ACOT12: variants seen among roughly 807,000 people sequenced by gnomAD.
ACOT12 encodes acetyl-coenzyme A thioesterase.
A neutral mutation model predicts 67.7 loss-of-function variants in ACOT12; 51 were observed. The ratio of observed to expected loss-of-function variants is 0.75; its 90% CI spans 0.60 to 0.95. The LOEUF (loss-of-function observed/expected upper bound fraction) is 0.95, where lower values mean the gene tolerates loss of function less well. Ranked by LOEUF, ACOT12 falls within the 40% of genes least tolerant of loss-of-function variation. ACOT12 has a pLI of 0.00. For synonymous variants in ACOT12, 251 were observed against 244.6 expected (o/e 1.03, Z -0.24); for missense variants, 734 against 708.1 (o/e 1.04, Z -0.41).
intron 4 of ACOT12, among the ~76,000 whole-genome samples, chr5:81,362,796 G>C (rs1759959182): frequency 6.6e-6 from 1 of 152,252 alleles, no homozygotes; most frequent in Middle Eastern, 3.4e-3. Context: ...TAATTTAGTA[G>C]GTCCATGATA....
chr5:81,317,479 G>A, the ACOT12 span, among the ~76,000 whole-genome samples: 4 of 149,320 alleles, frequency 2.7e-5, no homozygotes, highest in Non-Finnish European at 4.4e-5. Context: ...ACCAGCCTGG[G>A]CAAGAAAGCG....
chr5:81,365,749 A>G (rs1760057994), intron 3 of ACOT12, among the ~76,000 whole-genome samples: 1 of 152,228 alleles, frequency 6.6e-6, no homozygotes, highest in Non-Finnish European at 1.5e-5. Context: ...GGCGGGAAAA[A>G]CAACGAGAGC....
chr5:81,309,188 A>C, the ACOT12 span: 1 of 547,330 alleles, frequency 1.8e-6, no homozygotes, highest in Non-Finnish European at 3.0e-6. Context: ...TATCATATGT[A>C]CTAGGCTTTT....
intron 5 of ACOT12, among the ~76,000 whole-genome samples, chr5:81,352,765 C>T (rs913086789): frequency 1.3e-5 from 2 of 152,102 alleles, no homozygotes; most frequent in African/African-American, 4.8e-5. Flanking sequence ...GTTTGTCACA[C>T]TTGAAGGAGT....
intron 2 of ACOT12, among the ~76,000 whole-genome samples, chr5:81,384,161 G>T (rs929245436): frequency 7.4e-6 from 1 of 134,966 alleles, no homozygotes; most frequent in Admixed American, 8.8e-5. Context: ...TGCTCTTGTC[G>T]CCCAGGCTGC....
the ACOT12 span, among the ~76,000 whole-genome samples, chr5:81,323,533 A>G: frequency 1.3e-5 from 2 of 152,252 alleles, no homozygotes; most frequent in Admixed American, 6.5e-5. Context: ...GATGTCTGCT[A>G]ACATTCCATT....
chr5:81,352,995 C>G (rs182856933), intron 5 of ACOT12, among the ~76,000 whole-genome samples: 28 of 152,204 alleles, frequency 1.8e-4, no homozygotes, highest in African/African-American at 6.3e-4. Context: ...TGTGCATGTA[C>G]TATCTCTTTA....
intron 4 of ACOT12, 151 bp downstream of exon 4, chr5:81,363,637 A>G (rs902496466): frequency 7.7e-6 from 4 of 518,284 alleles, no homozygotes; most frequent in Middle Eastern, 5.2e-4. Flanking sequence ...ACAGAGTGAT[A>G]ACTTTTGCAA....
chr5:81,333,645 G>A (rs1580527580), intron 12 of ACOT12, among the ~76,000 whole-genome samples: 1 of 152,206 alleles, frequency 6.6e-6, no homozygotes, highest in African/African-American at 2.4e-5. Context: ...TTTAGGCATT[G>A]TTATTCCTAA....
chr5:81,346,073 C>A, intron 6 of ACOT12, 69 bp from the exon 7 acceptor site: 1 of 1,582,778 alleles, frequency 6.3e-7, no homozygotes, highest in Non-Finnish European at 8.6e-7. Flanking sequence ...AATGCACAGA[C>A]AAGTCTTCAA....
intron 11 of ACOT12, among the ~76,000 whole-genome samples, chr5:81,336,340 C>T (rs915062116): frequency 2.0e-5 from 3 of 152,136 alleles, no homozygotes; most frequent in Non-Finnish European, 4.4e-5. Context: ...GGATGTCAGG[C>T]GTGTCTTTAA....
intron 11 of ACOT12, among the ~76,000 whole-genome samples, chr5:81,337,471 G>A (rs1759041796): frequency 1.3e-5 from 2 of 152,302 alleles, no homozygotes; most frequent in Middle Eastern, 3.4e-3. Context: ...TCTTGCAGAT[G>A]TAATTAGTCA....
At chr5:81,368,124 T>C (rs1036188801) in intron 3 of ACOT12, among the ~76,000 whole-genome samples, 4 of 152,054 alleles carry the variant, frequency 2.6e-5, no homozygotes, top group African/African-American at 9.7e-5. Context: ...AAATCCTTTC[T>C]CTACTAAAAA....
In ACOT12 at chr5:81,349,481, G is replaced by A. The variant is rs933840214; in HGVS notation, c.497-1551C>T. The stretch of plus-strand genomic sequence containing the variant: ...CATTTGTCACATCCCTGCTGTCTAC[G>A]GCAATCCCCCTGGCCACCATCACCT... On this transcript the variant is annotated intron_variant, in intron 5 of 14. Coordinates refer to ENST00000307624, the MANE Select transcript of ACOT12 (RefSeq NM_130767.3). 5.3e-5 allele frequency among the ~76,000 whole-genome samples: 8 copies of A among 152,000 alleles called. No individual in the cohort carries two copies. The East Asian group carries it at 5.8e-4, about 11-fold the overall frequency.
intron 5 of ACOT12, among the ~76,000 whole-genome samples, chr5:81,348,229 T>C (rs776697954): frequency 2.6e-5 from 4 of 152,098 alleles, no homozygotes; most frequent in African/African-American, 4.8e-5. Context: ...ACTTGAGTTG[T>C]TTGTGGTGGG....
At chr5:81,368,162 C>T (rs376626016) in intron 3 of ACOT12, among the ~76,000 whole-genome samples, 3 of 152,044 alleles carry the variant, frequency 2.0e-5, no homozygotes, top group Admixed American at 6.6e-5. Flanking sequence ...CGTGGTGGTG[C>T]ACATGTGTAA....
chr5:81,332,271 T>G (rs1195847442), intron 13 of ACOT12, among the ~76,000 whole-genome samples: 2 of 152,242 alleles, frequency 1.3e-5, no homozygotes, highest in African/African-American at 2.4e-5. Flanking sequence ...TTTAGGATTC[T>G]TGCATTGTCC....
At position 81,385,742 on chromosome 5, in the gene ACOT12, A is replaced by G. The variant is rs1229166735; in HGVS notation, c.197+15T>C. 6.2e-7 allele frequency: 1 copy of G among 1,613,722 alleles called. No individual in the cohort carries two copies. The highest frequency in any genetic ancestry group is 1.1e-5 in the South Asian group (1 of 91,048). On this transcript the variant is annotated intron_variant, in intron 2 of 14. Coordinates refer to ENST00000307624, the MANE Select transcript of ACOT12 (RefSeq NM_130767.3). ...CAAACCCAGGAGAAAGGAGCCATGG[A>G]GCAATGTCACTTACCTAGCTGTCTC...
intron 1 of ACOT12, among the ~76,000 whole-genome samples, chr5:81,392,698 T>TAGG: frequency 6.6e-6 from 1 of 152,178 alleles, no homozygotes; most frequent in East Asian, 1.9e-4. Flanking sequence ...TATGTGTGGA[T>TAGG]TAATTTTGTA....
Sources: gnomAD v4.1 joint callset for allele counts (sites outside exome capture counted in the v4.1 genomes callset) on GRCh38, gnomAD v4.1.1 for gene constraint, MANE v1.5 for transcripts, NCBI Gene and HGNC (gene_info 2026-07-23, HGNC 2026-07-21) for gene names.